TOX: variants seen among roughly 807,000 people sequenced by gnomAD.
TOX encodes thymocyte selection-associated high mobility group box protein TOX.
A neutral mutation model predicts 53.7 loss-of-function variants in TOX; 11 were observed. The ratio of observed to expected loss-of-function variants is 0.20; its 90% CI spans 0.13 to 0.34. The LOEUF is 0.34. Among genes scored for constraint, TOX ranks in the 10% least tolerant of loss-of-function variants. The pLI is 1.00. For missense variants in TOX, 570 were observed against 664.6 expected (o/e 0.86, Z 1.56); for synonymous variants, 225 against 245.3 (o/e 0.92, Z 0.77).
chr8:58,808,768 C>T (rs1213878004), intron 7 of TOX, among the ~76,000 whole-genome samples: 1 of 152,182 alleles, frequency 6.6e-6, no homozygotes, highest in East Asian at 1.9e-4. Context: ...CACAAAGGGA[C>T]CATCTGCTTC....
intron 3 of TOX, among the ~76,000 whole-genome samples, chr8:58,937,256 A>G (rs1358837489): frequency 6.6e-6 from 1 of 152,222 alleles, no homozygotes; most frequent in Non-Finnish European, 1.5e-5. Context: ...TCTTAGGCCA[A>G]ATAGTAGATT....
At chr8:58,944,544 CTG>C (rs1812495709) in intron 2 of TOX, among the ~76,000 whole-genome samples, 1 of 152,202 alleles carries the variant, frequency 6.6e-6, no homozygotes, top group South Asian at 2.1e-4. Context: ...AGAATGGCCA[CTG>C]TGCATGTTGC....
chr8:58,808,247 T>A lies in TOX; in HGVS notation c.1415A>T (p.Tyr472Phe). The change falls in exon 8 of 9, where the codon TAT (tyrosine) becomes TTT (phenylalanine). Residue 472 changes from tyrosine to phenylalanine, a missense_variant. Tyr to Phe is a conservative substitution (Grantham distance 22, BLOSUM62 3). Transcript: ENST00000361421. ...MQQGFTLQPD[Y>F]QTIINPTSTA... The stretch of plus-strand genomic sequence containing the variant: ...AGATGTAGGATTGATAATAGTCTGA[T>A]AGTCGGGTTGAAGAGTAAATCCCTG... 6.2e-7 allele frequency: 1 copy of A among 1,612,788 alleles called. No individual in the cohort carries two copies.
intron 4 of TOX, among the ~76,000 whole-genome samples, chr8:58,844,167 G>A (rs948192152): frequency 1.7e-4 from 26 of 152,260 alleles, no homozygotes; most frequent in African/African-American, 6.0e-4. Context: ...GCACTGTCTC[G>A]TAAAATTTTC....
At chr8:58,896,145 G>A (rs1035089705) in intron 3 of TOX, among the ~76,000 whole-genome samples, 16 of 152,086 alleles carry the variant, frequency 1.1e-4, no homozygotes, top group African/African-American at 3.9e-4. Context: ...ATGTCAAAAA[G>A]TGGGATAAAA....
intron 3 of TOX, among the ~76,000 whole-genome samples, chr8:58,922,633 G>A (rs1812092314): frequency 1.3e-5 from 2 of 152,186 alleles, no homozygotes; most frequent in African/African-American, 2.4e-5. Context: ...TTCTAGATGT[G>A]TGGAACACAG....
intron 1 of TOX, among the ~76,000 whole-genome samples, chr8:58,994,411 TGTGTGTGTGCGC>T (rs1443662785): frequency 1.3e-5 from 2 of 149,940 alleles, no homozygotes; most frequent in Non-Finnish European, 2.9e-5. Flanking sequence ...TGTGTGTGTG[TGTGTGTGTGCGC>T]GCGCGCATGT....
intron 3 of TOX, among the ~76,000 whole-genome samples, chr8:58,903,921 G>C (rs895488796): frequency 6.6e-6 from 1 of 152,116 alleles, no homozygotes; most frequent in Non-Finnish European, 1.5e-5. Flanking sequence ...GTGCTATTGT[G>C]TGCCATATAT....
chr8:59,069,730 GAGAAGA>G (rs1185954497), intron 1 of TOX, among the ~76,000 whole-genome samples: 3 of 152,142 alleles, frequency 2.0e-5, no homozygotes, highest in Non-Finnish European at 4.4e-5. Flanking sequence ...AAGAGGTCCA[GAGAAGA>G]AGAAGAACTT....
intron 5 of TOX, among the ~76,000 whole-genome samples, chr8:58,832,481 T>C (rs961667251): frequency 6.6e-6 from 1 of 152,090 alleles, no homozygotes; most frequent in Non-Finnish European, 1.5e-5. Flanking sequence ...ATTGTTGACA[T>C]AAAAATCCAA....
chr8:58,938,384 G>T (rs1007020233), intron 3 of TOX, among the ~76,000 whole-genome samples: 2 of 152,170 alleles, frequency 1.3e-5, no homozygotes, highest in Non-Finnish European at 2.9e-5. Flanking sequence ...TGACAAGAGA[G>T]TTAGTTGGAC....
chr8:59,012,906 T>C (rs1478231038), intron 1 of TOX, among the ~76,000 whole-genome samples: 1 of 150,716 alleles, frequency 6.6e-6, no homozygotes, highest in East Asian at 1.9e-4. Flanking sequence ...CCCACCCACA[T>C]TTGTTCCCAT....
intron 1 of TOX, among the ~76,000 whole-genome samples, chr8:58,977,830 A>G (rs553705682): frequency 6.6e-6 from 1 of 152,326 alleles, no homozygotes; most frequent in Non-Finnish European, 1.5e-5. Context: ...TGACACCCCA[A>G]AACAATTACA....
intron 3 of TOX, among the ~76,000 whole-genome samples, chr8:58,867,655 A>C (rs1165082053): frequency 3.3e-5 from 5 of 152,200 alleles, no homozygotes; most frequent in Non-Finnish European, 7.3e-5. Context: ...TGTGATTCAG[A>C]AGTTCTGAGG....
At chr8:58,847,455 A>C (rs756282603) in intron 4 of TOX, among the ~76,000 whole-genome samples, 36 of 152,140 alleles carry the variant, frequency 2.4e-4, no homozygotes, top group Non-Finnish European at 4.3e-4. Flanking sequence ...AGCTGAAAAG[A>C]GAATTACGAG....
At chr8:59,034,573 G>A (rs116315092) in intron 1 of TOX, among the ~76,000 whole-genome samples, 8 of 152,204 alleles carry the variant, frequency 5.3e-5, no homozygotes, top group East Asian at 3.9e-4. Context: ...TGATGCTTTC[G>A]TCCAAGTCCA....
chr8:58,851,433 C>T lies in TOX; in HGVS notation c.693+91G>A, dbSNP rs921185888. 8.4e-6 allele frequency: 12 copies of T among 1,431,024 alleles called. No individual in the cohort carries two copies. The African/African-American group carries it at 8.5e-5, about 10-fold the overall frequency. 88.6% of individuals were successfully genotyped at this position (1,431,024 alleles called of 1,614,324 possible). A position where few individuals can be genotyped will look rare whatever the true frequency, so the allele number is the denominator to read the frequency against. ...GCAGGTGTCTCCCTCCAATGTTTCT[C>T]GCATGGATGATATAAACTTGTACCC... is the stretch of plus-strand genomic sequence containing the variant. On this transcript the variant is annotated intron_variant, in intron 4 of 8. Transcript: ENST00000361421. The surrounding 1 kb of genome is among the most constrained non-coding windows in gnomAD (Gnocchi z 4.4).
intron 1 of TOX, among the ~76,000 whole-genome samples, chr8:59,048,861 T>C (rs562605774): frequency 6.5e-4 from 99 of 152,318 alleles, no homozygotes; most frequent in African/African-American, 2.0e-3. Flanking sequence ...TTTGTATTTA[T>C]ATCATGTAAA....
intron 1 of TOX, among the ~76,000 whole-genome samples, chr8:58,988,758 T>G (rs1026107512): frequency 1.3e-5 from 2 of 152,186 alleles, no homozygotes; most frequent in Non-Finnish European, 2.9e-5. Flanking sequence ...ACAGGAAATC[T>G]GAGTTGAAGT....
Sources: allele counts gnomAD v4.1 joint callset (sites outside exome capture counted in the v4.1 genomes callset), GRCh38; gene constraint gnomAD v4.1.1; non-coding constraint Gnocchi (gnomAD v3.1); transcripts MANE v1.5; gene names NCBI Gene and HGNC (gene_info 2026-07-23, HGNC 2026-07-21).